Variants in EPS15 observed in about 807,000 individuals in gnomAD.
EPS15 encodes the protein epidermal growth factor receptor pathway substrate 15.
In EPS15, 72 loss-of-function variants were observed where a neutral mutation model predicts 113.8. That is an observed-to-expected ratio of 0.63 (90% CI 0.52 to 0.77). The LOEUF (loss-of-function observed/expected upper bound fraction) is 0.77. EPS15 is among the 30% of genes least tolerant of loss of function. The pLI, the probability that EPS15 is intolerant of heterozygous loss-of-function variation, is 0.00. For missense variants in EPS15, 1,048 were observed against 1,045.8 expected, an observed-to-expected ratio of 1.00 and a Z score of -0.03; for synonymous variants, 344 against 363.4, an observed-to-expected ratio of 0.95 and a Z score of 0.61.
In EPS15 at chr1:51,432,695, T is replaced by C. The variant is rs145488001; in HGVS notation, c.1040+7652A>G. Among the ~76,000 whole-genome samples, 561 of 152,304 alleles carry C rather than the reference T, an allele frequency of 3.7e-3. 2 individuals are homozygous for C. Among genetic ancestry groups the C allele is most frequent in the South Asian group, 7.5e-3 (36 of 4,826 alleles). Reference sequence around the variant, plus strand: ...GCTCAATCACCACACAGCTAGTGGCTACTATACTGGACAGCACAGGTTCAG... The same window carrying C: ...GCTCAATCACCACACAGCTAGTGGCCACTATACTGGACAGCACAGGTTCAG... On this transcript the variant is annotated intron_variant, in intron 12 of 24. Coordinates refer to ENST00000371733, the MANE Select transcript of EPS15 (RefSeq NM_001981.3).
chr1:51,422,541 G>A (rs187481092), intron 12 of EPS15, among the ~76,000 whole-genome samples: 1 of 152,308 alleles, frequency 6.6e-6, no homozygotes, highest in African/African-American at 2.4e-5. Flanking sequence ...AATCAAACAT[G>A]CTGGGCTCCG....
At chr1:51,371,705 G>GT (rs889292200) in intron 21 of EPS15, among the ~76,000 whole-genome samples, 4 of 152,086 alleles carry the variant, frequency 2.6e-5, no homozygotes, top group Admixed American at 6.6e-5. Context: ...GAAGAAAAAT[G>GT]TTTTTTATAA....
At chr1:51,424,186 T>A (rs1376579489) in intron 12 of EPS15, among the ~76,000 whole-genome samples, 1 of 152,192 alleles carries the variant, frequency 6.6e-6, no homozygotes, top group African/African-American at 2.4e-5. Flanking sequence ...TTCAATTATA[T>A]CACTTTCTAT....
In EPS15 at chr1:51,511,338, C is replaced by CA. The variant is rs113025065; in HGVS notation, c.33+7860dup. On this transcript the variant is annotated intron_variant, in intron 1 of 24. Transcript: ENST00000371733. ...GTGAAATCCATCTGTACTAAAAATA[C>CA]AAAAAAAATTAGCCAGGCGTGGTGA... Among the ~76,000 whole-genome samples, 1,249 of 149,868 alleles carry CA rather than the reference C, an allele frequency of 8.3e-3. 11 individuals are homozygous for CA. Among genetic ancestry groups the CA allele is most frequent in the African/African-American group, 0.028 (1,161 of 40,768 alleles).
chr1:51,486,900 C>T (rs548135027), intron 1 of EPS15, among the ~76,000 whole-genome samples: 1 of 152,008 alleles, frequency 6.6e-6, no homozygotes, highest in African/African-American at 2.4e-5. Context: ...GAACTCCTGA[C>T]CTCAGGTGAT....
intron 8 of EPS15, among the ~76,000 whole-genome samples, chr1:51,449,443 G>A (rs968953770): frequency 8.5e-5 from 13 of 152,068 alleles, no homozygotes; most frequent in African/African-American, 3.1e-4. Flanking sequence ...ATGTGAGGGT[G>A]GAGGGAAGAA....
intron 21 of EPS15, among the ~76,000 whole-genome samples, chr1:51,374,127 C>T (rs936811241): frequency 6.6e-6 from 1 of 152,188 alleles, no homozygotes; most frequent in Non-Finnish European, 1.5e-5. Flanking sequence ...TTTACTCCTG[C>T]TGGAGTCAAA....
At chr1:51,480,901 A>G (rs1644009261) in intron 2 of EPS15, among the ~76,000 whole-genome samples, 1 of 152,328 alleles carries the variant, frequency 6.6e-6, no homozygotes, top group Non-Finnish European at 1.5e-5. Context: ...ATACATGCTC[A>G]TTATGTATTT....
chr1:51,465,374 G>A (rs777086408), intron 5 of EPS15, 48 bp from the exon 6 acceptor site: 5 of 1,314,634 alleles, frequency 3.8e-6, no homozygotes, highest in South Asian at 1.3e-5. Context: ...CTCACATCAA[G>A]AAGCAATGAA....
chr1:51,403,567 A>G (rs780451462), intron 16 of EPS15, 35 bp from the exon 17 acceptor site: 4 of 1,211,826 alleles, frequency 3.3e-6, no homozygotes, highest in African/African-American at 3.1e-5. Context: ...TTAACAATAT[A>G]CTTTTTGACA....
Position 51,468,509 on chromosome 1 carries a change from T to G in EPS15, c.273A>C (p.Leu91=). ...GAGGAACAGCCAGGTTCAAACTACT[T>G]AGTGAAACTTCCAATCCATTCTGGG... The part of the protein sequence containing the change: ...ACAQNGLEVS[L]SSLNLAVPPP... The change falls in exon 5 of 25, where the codon CTA becomes CTC. Residue 91 remains leucine (L), a synonymous_variant. Transcript: ENST00000371733. 4 of 1,613,394 alleles carry G rather than the reference T, an allele frequency of 2.5e-6. No homozygotes were observed. Among genetic ancestry groups the G allele is most frequent in the Non-Finnish European group, 3.4e-6 (4 of 1,179,342 alleles).
At chr1:51,387,712 A>T (rs956065235) in intron 21 of EPS15, among the ~76,000 whole-genome samples, 3 of 152,204 alleles carry the variant, frequency 2.0e-5, no homozygotes, top group Admixed American at 6.5e-5. Context: ...AAAGATCAAA[A>T]GAGACAAAGA....
chr1:51,482,505 A>C (rs964185222), intron 1 of EPS15, among the ~76,000 whole-genome samples: 1 of 152,154 alleles, frequency 6.6e-6, no homozygotes, highest in Non-Finnish European at 1.5e-5. Context: ...GAAGTCGCCC[A>C]GGCTGGAGTA....
At chr1:51,442,860 C>T (rs546347169) in intron 11 of EPS15, among the ~76,000 whole-genome samples, 28 of 151,628 alleles carry the variant, frequency 1.8e-4, no homozygotes, top group Non-Finnish European at 3.2e-4. Flanking sequence ...ACAAGAAAGG[C>T]GAAAAGCAGA....
At chr1:51,493,494 C>T (rs1291057920) in intron 1 of EPS15, among the ~76,000 whole-genome samples, 45 of 150,302 alleles carry the variant, frequency 3.0e-4, no homozygotes, top group Admixed American at 2.3e-3. Flanking sequence ...CACTGCACTC[C>T]AGCCTGGGCG....
intron 1 of EPS15, among the ~76,000 whole-genome samples, chr1:51,491,742 C>T (rs1301571308): frequency 6.6e-6 from 1 of 151,976 alleles, no homozygotes; most frequent in Admixed American, 6.6e-5. Flanking sequence ...GGGCAGTCCT[C>T]ACCTTTAGAA....
chr1:51,399,377 C>G (rs1469981979), intron 19 of EPS15, among the ~76,000 whole-genome samples: 1 of 151,838 alleles, frequency 6.6e-6, no homozygotes, highest in Non-Finnish European at 1.5e-5. Flanking sequence ...ATGTCAAAAC[C>G]TCCTCTCTAC....
chr1:51,409,388 C>CCT, intron 14 of EPS15, 147 bp downstream of exon 14: 1 of 665,658 alleles, frequency 1.5e-6, no homozygotes. Context: ...TCTGGATGAA[C>CCT]CTTGCTCCAT....
chr1:51,360,883 T>G (rs1429620702), intron 24 of EPS15, among the ~76,000 whole-genome samples: 6 of 152,042 alleles, frequency 3.9e-5, no homozygotes, highest in Non-Finnish European at 7.4e-5. Context: ...ATCCACAAAA[T>G]AATAACTGTT....
Sources: allele counts gnomAD v4.1 joint callset (sites outside exome capture counted in the v4.1 genomes callset), GRCh38; gene constraint gnomAD v4.1.1; transcripts MANE v1.5; gene names NCBI Gene and HGNC (gene_info 2026-07-23, HGNC 2026-07-21).